The following KCNG3 variants were observed in gnomAD, a reference collection of about 807,000 sequenced individuals.
The protein encoded by KCNG3 is voltage-gated potassium channel regulatory subunit KCNG3.
KCNG3 carries 15 observed loss-of-function variants against 29.0 expected under a neutral mutation model. The observed-to-expected ratio is 0.52, with a 90% CI of 0.35 to 0.80. The LOEUF is 0.80. Among genes scored for constraint, KCNG3 ranks in the 30% least tolerant of loss-of-function variants. The pLI is 0.01. For missense variants in KCNG3, 512 were observed against 605.7 expected, an observed-to-expected ratio of 0.85 and a Z score of 1.62; for synonymous variants, 322 against 248.9, an observed-to-expected ratio of 1.29 and a Z score of -2.76.
intron 1 of KCNG3, among the ~76,000 whole-genome samples, chr2:42,447,541 G>T (rs1369064008): frequency 1.3e-5 from 2 of 151,100 alleles, no homozygotes; most frequent in Non-Finnish European, 2.9e-5. Context: ...TTGAAACAGG[G>T]TCTTACTCCC....
chr2:42,482,712 G>C (rs1673619434), intron 1 of KCNG3, among the ~76,000 whole-genome samples: 1 of 152,154 alleles, frequency 6.6e-6, no homozygotes, highest in African/African-American at 2.4e-5. Flanking sequence ...CTGGCAAACA[G>C]AGCAAGACTC....
chr2:42,477,107 G>C (rs1027681105), intron 1 of KCNG3, among the ~76,000 whole-genome samples: 11 of 150,470 alleles, frequency 7.3e-5, no homozygotes, highest in African/African-American at 2.4e-4. Flanking sequence ...CAGGAGAATG[G>C]TGTGAACCCG....
At chr2:42,487,372 T>C (rs1644416746) in intron 1 of KCNG3, among the ~76,000 whole-genome samples, 1 of 143,754 alleles carries the variant, frequency 7.0e-6, no homozygotes, top group Non-Finnish European at 1.5e-5. Context: ...TGAGATGGAG[T>C]CTTGCTCTGT....
chr2:42,470,885 C>T (rs999870568), intron 1 of KCNG3, among the ~76,000 whole-genome samples: 3 of 148,602 alleles, frequency 2.0e-5, no homozygotes, highest in Non-Finnish European at 3.0e-5. Context: ...GGCCAGGTGG[C>T]GTGGCTCTCA....
At chr2:42,390,926 T>C in the KCNG3 span, among the ~76,000 whole-genome samples, 4,157 of 152,232 alleles carry the variant, frequency 0.027, 194 homozygotes, top group African/African-American at 0.094. Context: ...GGACACCTAT[T>C]TGTTTCTCTG....
intron 1 of KCNG3, chr2:42,463,139 T>G (rs1398838083): frequency 3.0e-6 from 1 of 335,528 alleles, no homozygotes; most frequent in Non-Finnish European, 5.6e-6. Flanking sequence ...TATTCATTTG[T>G]GCTTGAAATT....
the KCNG3 span, among the ~76,000 whole-genome samples, chr2:42,408,443 C>T: frequency 6.6e-6 from 1 of 152,162 alleles, no homozygotes; most frequent in South Asian, 2.1e-4. Context: ...CTGGGCAGAC[C>T]TCAGGATGAC....
At chr2:42,430,964 G>T in the KCNG3 span, among the ~76,000 whole-genome samples, 254 of 151,878 alleles carry the variant, frequency 1.7e-3, 1 homozygote, top group African/African-American at 5.9e-3. Flanking sequence ...ACAAAAATTA[G>T]CTGGGTGTAC....
the KCNG3 span, among the ~76,000 whole-genome samples, chr2:42,430,083 G>T: frequency 6.6e-6 from 1 of 152,106 alleles, no homozygotes; most frequent in Admixed American, 6.5e-5. Flanking sequence ...AACCAACTAG[G>T]GGGGCGGACA....
the KCNG3 span, among the ~76,000 whole-genome samples, chr2:42,419,589 G>A: frequency 6.6e-6 from 1 of 152,070 alleles, no homozygotes; most frequent in African/African-American, 2.4e-5. Context: ...GCAAAAGGCT[G>A]GACTTAAGGA....
intron 1 of KCNG3, among the ~76,000 whole-genome samples, chr2:42,490,976 T>G (rs931418443): frequency 6.6e-6 from 1 of 152,194 alleles, no homozygotes; most frequent in Non-Finnish European, 1.5e-5. Flanking sequence ...ATTGCAGATA[T>G]TGGTTTTCAT....
intron 1 of KCNG3, among the ~76,000 whole-genome samples, chr2:42,468,258 C>T (rs1428199063): frequency 6.6e-6 from 1 of 152,116 alleles, no homozygotes; most frequent in Admixed American, 6.6e-5. Context: ...TCACTGTCTA[C>T]ATTACAACAA....
intron 1 of KCNG3, among the ~76,000 whole-genome samples, chr2:42,449,897 A>G (rs1572843050): frequency 6.6e-6 from 1 of 152,190 alleles, no homozygotes; most frequent in Admixed American, 6.5e-5. Context: ...AAGATGTACC[A>G]GTTCTCCAGC....
the KCNG3 span, among the ~76,000 whole-genome samples, chr2:42,389,309 T>C: frequency 6.6e-6 from 1 of 152,214 alleles, no homozygotes; most frequent in Non-Finnish European, 1.5e-5. Context: ...ACATCGCTGT[T>C]AGTAACTTTG....
chr2:42,418,621 C>T, the KCNG3 span, among the ~76,000 whole-genome samples: 1 of 152,072 alleles, frequency 6.6e-6, no homozygotes, highest in African/African-American at 2.4e-5. Flanking sequence ...AAGAGAGATG[C>T]TCAAGAGAGA....
At chr2:42,478,880 A>G (rs1337658908) in intron 1 of KCNG3, among the ~76,000 whole-genome samples, 1 of 152,166 alleles carries the variant, frequency 6.6e-6, no homozygotes, top group Non-Finnish European at 1.5e-5. Context: ...ACATTACTAA[A>G]ACAGCTGTCC....
At chr2:42,452,243 A>ATATATATATAT in intron 1 of KCNG3, among the ~76,000 whole-genome samples, 9 of 95,046 alleles carry the variant, frequency 9.5e-5, no homozygotes, top group Non-Finnish European at 1.5e-4. Context: ...ATATATATAT[A>ATATATATATAT]TTTTTTTTTT....
At chr2:42,487,834 A>G (rs1673766318) in intron 1 of KCNG3, among the ~76,000 whole-genome samples, 1 of 152,238 alleles carries the variant, frequency 6.6e-6, no homozygotes, top group South Asian at 2.1e-4. Context: ...TGCAGCGTTT[A>G]CTACAGACAA....
intron 1 of KCNG3, among the ~76,000 whole-genome samples, chr2:42,451,204 C>CA (rs67651134): frequency 0.22 from 13,296 of 61,030 alleles, 1,673 homozygotes; most frequent in African/African-American, 0.33. Context: ...GACTCCAACT[C>CA]AAAAAAAAAA....
Sources: allele counts gnomAD v4.1 joint callset (sites outside exome capture counted in the v4.1 genomes callset), GRCh38; gene constraint gnomAD v4.1.1; transcripts MANE v1.5; gene names NCBI Gene and HGNC (gene_info 2026-07-23, HGNC 2026-07-21).